JAKMIP3: variants seen among roughly 807,000 people sequenced by gnomAD.
JAKMIP3 encodes janus kinase and microtubule-interacting protein 3.
JAKMIP3 carries 58 observed loss-of-function variants against 118.5 expected under a neutral mutation model. That is an observed-to-expected ratio of 0.49 (90% CI 0.40 to 0.61). JAKMIP3 has a LOEUF of 0.61. JAKMIP3 is among the 20% of genes least tolerant of loss of function. JAKMIP3 has a pLI of 0.00. For missense variants in JAKMIP3, 950 were observed against 1,109.0 expected (o/e 0.86, Z 2.04); for synonymous variants, 486 against 451.2 (o/e 1.08, Z -0.98).
chr10:132,127,866 G>A lies in JAKMIP3; in HGVS notation c.634-5446G>A, dbSNP rs537035748. ...TCTATCATAAATTAGTAATTTTGCCGTATAACCAAAATACAAGTACCTTAT... is the reference window on the plus strand; with the variant it reads ...TCTATCATAAATTAGTAATTTTGCCATATAACCAAAATACAAGTACCTTAT... On this transcript the variant is annotated intron_variant, in intron 3 of 23. Coordinates refer to ENST00000684848, the MANE Select transcript of JAKMIP3 (RefSeq NM_001323087.2). 8.2e-4 allele frequency among the ~76,000 whole-genome samples: 124 copies of A among 152,060 alleles called. 1 individual carries two copies. Among genetic ancestry groups the A allele is most frequent in the Admixed American group, 2.7e-3 (42 of 15,274 alleles).
At chr10:132,050,036 T>C (rs2038053398) in intron 1 of JAKMIP3, among the ~76,000 whole-genome samples, 1 of 152,246 alleles carries the variant, frequency 6.6e-6, no homozygotes, top group Non-Finnish European at 1.5e-5. Flanking sequence ...TCTCAGGACC[T>C]TATCTCTTTC....
intron 12 of JAKMIP3, 31 bp downstream of exon 12, chr10:132,145,221 G>T: frequency 1.3e-6 from 2 of 1,530,482 alleles, no homozygotes; most frequent in East Asian, 2.3e-5. Context: ...ACGGGCGTGG[G>T]GGCACACGTG....
In JAKMIP3 at chr10:132,112,328, C is replaced by T. The variant is rs967338786; in HGVS notation, c.136-4749C>T. On this transcript the variant is annotated intron_variant, in intron 2 of 23. Transcript: ENST00000684848. This position sits in a 1 kb window ranked among gnomAD's most constrained non-coding sequence, Gnocchi z 4.3. Reference sequence around the variant, plus strand: ...GGGAGATGCTGCCCAGAGAACAGTGCGAGGGGAGACGGGGCTGGGACCTGC... The same window carrying T: ...GGGAGATGCTGCCCAGAGAACAGTGTGAGGGGAGACGGGGCTGGGACCTGC... Among the ~76,000 whole-genome samples the T allele has an allele frequency of 2.6e-5, 4 of 151,954 alleles. No homozygotes were observed. Among genetic ancestry groups the T allele is most frequent in the South Asian group, 2.1e-4 (1 of 4,802 alleles).
At chr10:132,064,512 C>T (rs565859635), upstream of JAKMIP3, among the ~76,000 whole-genome samples, 33 of 152,270 alleles carry the variant, frequency 2.2e-4, no homozygotes, top group Middle Eastern at 6.8e-3. This position sits in a 1 kb window ranked among gnomAD's most constrained non-coding sequence, Gnocchi z 4.4. Flanking sequence ...CCCACCGTTC[C>T]GGGTCTGAAT....
At chr10:132,069,174 G>A (rs1163096355) in intron 1 of JAKMIP3, among the ~76,000 whole-genome samples, 1 of 152,066 alleles carries the variant, frequency 6.6e-6, no homozygotes, top group Non-Finnish European at 1.5e-5. Flanking sequence ...CTGCCTGGTG[G>A]GTGGTTGACC....
intron 19 of JAKMIP3, among the ~76,000 whole-genome samples, chr10:132,154,348 A>G (rs2056731616): frequency 6.6e-6 from 1 of 152,130 alleles, no homozygotes; most frequent in Non-Finnish European, 1.5e-5. Flanking sequence ...TCCCCTGAGG[A>G]ACTGGAGAAA....
In JAKMIP3 at chr10:132,097,946, TCCCATCCCCTTTCCCTTTCCTTC is replaced by T. The variant is rs1564892962; in HGVS notation, c.-137-6724_-137-6702del. On this transcript the variant is annotated intron_variant, in intron 1 of 23. Coordinates refer to ENST00000684848, the MANE Select transcript of JAKMIP3 (RefSeq NM_001323087.2). ...TTTCCTTCCCCTTCCCCTTTCCCTTTCCCATCCCCTTTCCCTTTCCTTCCTTTTCTCCCCTTCCCCTTCCCCTT... is the reference window on the plus strand; with the variant it reads ...TTTCCTTCCCCTTCCCCTTTCCCTTTCTTTTCTCCCCTTCCCCTTCCCCTT... Among the ~76,000 whole-genome samples, 52 of 24,026 alleles carry T rather than the reference TCCCATCCCCTTTCCCTTTCCTTC, an allele frequency of 2.2e-3. 8 individuals are homozygous for T. The highest frequency in any genetic ancestry group is 5.7e-3 in the South Asian group (2 of 352). 15.8% of individuals were successfully genotyped at this position (24,026 alleles called of 152,430 possible). A position where few individuals can be genotyped will look rare whatever the true frequency, so the allele number is the denominator to read the frequency against.
intron 1 of JAKMIP3, among the ~76,000 whole-genome samples, chr10:132,097,075 G>A (rs1468599986): frequency 2.0e-5 from 3 of 152,250 alleles, no homozygotes; most frequent in Non-Finnish European, 4.4e-5. Context: ...CATAGGGCCT[G>A]TGAGCTCACC....
In JAKMIP3 at chr10:132,180,760, CGTGTGTGTGCGTGTGT is replaced by C. The variant is rs1277230926; in HGVS notation, c.*1104-1589_*1104-1574del. On this transcript the variant is annotated intron_variant, in intron 23 of 23. Coordinates refer to ENST00000684848, the MANE Select transcript of JAKMIP3 (RefSeq NM_001323087.2). ...GTGCGTGCGTGCGCGCGCGTGTGTGCGTGTGTGTGCGTGTGTGTGTGTGCGCGTATGCATGTGCTGT... is the reference window on the plus strand; with the variant it reads ...GTGCGTGCGTGCGCGCGCGTGTGTGCGTGTGTGCGCGTATGCATGTGCTGT... Among the ~76,000 whole-genome samples the C allele has an allele frequency of 2.0e-4, 3 of 14,736 alleles. 1 individual carries two copies. Among genetic ancestry groups the C allele is most frequent in the Non-Finnish European group, 1.1e-4 (1 of 9,180 alleles). 9.7% of individuals were successfully genotyped at this position (14,736 alleles called of 152,430 possible).
chr10:132,142,827 G>T (rs1246854026), intron 11 of JAKMIP3, among the ~76,000 whole-genome samples: 1 of 152,210 alleles, frequency 6.6e-6, no homozygotes, highest in Non-Finnish European at 1.5e-5. Flanking sequence ...TGGGGTGTGG[G>T]GTTCCCGTTG....
Position 132,133,320 on chromosome 10 carries a change from G to A in JAKMIP3, c.642G>A (p.Glu214=), listed in dbSNP as rs781077276. The change falls in exon 4 of 24, where the codon GAG becomes GAA. Residue 214 remains glutamate, a synonymous_variant. Transcript: ENST00000684848. ...TTCTGTTCTCCTTGTAGATGGAGGA[G>A]ATAAAATTTAAAGACAGAGCAGTCT... ...CEREIRRLME[E]IKFKDRAVFV... is the part of the protein sequence containing the mutation. The A allele has an allele frequency of 5.0e-6, 8 of 1,585,382 alleles. No individual in the cohort carries two copies. The Admixed American group carries it at 9.0e-5, about 18-fold the overall frequency.
chr10:132,063,668 C>T (rs565790706), upstream of JAKMIP3, among the ~76,000 whole-genome samples: 24 of 152,308 alleles, frequency 1.6e-4, no homozygotes, highest in African/African-American at 4.6e-4. Context: ...GAGAACGGAC[C>T]GTCTGCAAGG....
At chr10:132,154,912 G>A (rs1055985544) in intron 19 of JAKMIP3, among the ~76,000 whole-genome samples, 5 of 146,904 alleles carry the variant, frequency 3.4e-5, no homozygotes, top group Non-Finnish European at 6.0e-5. Flanking sequence ...TCATGATGAC[G>A]GTGGTGGTAG....
intron 1 of JAKMIP3, among the ~76,000 whole-genome samples, chr10:132,094,797 A>G (rs61865735): frequency 0.14 from 21,807 of 151,948 alleles, 1,677 homozygotes; most frequent in Middle Eastern, 0.23. Flanking sequence ...TGGAACTCCT[A>G]AGAGTATATG....
chr10:132,117,665 G>A lies in JAKMIP3; in HGVS notation c.633+91G>A, dbSNP rs893209334. Reference sequence around the variant, plus strand: ...GGCGGGCGTGGGCGAGGGTGCAGGCGTGGGCTCGGGGAGCACGCGGGCAGC... The same window carrying A: ...GGCGGGCGTGGGCGAGGGTGCAGGCATGGGCTCGGGGAGCACGCGGGCAGC... On this transcript the variant is annotated intron_variant, in intron 3 of 23. Coordinates refer to ENST00000684848, the MANE Select transcript of JAKMIP3 (RefSeq NM_001323087.2). This position sits in a 1 kb window ranked among gnomAD's most constrained non-coding sequence, Gnocchi z 8.6. 5.3e-4 allele frequency: 669 copies of A among 1,259,286 alleles called. 6 individuals are homozygous for A. Among genetic ancestry groups the A allele is most frequent in the South Asian group, 7.0e-4 (26 of 37,084 alleles). 78.0% of individuals were successfully genotyped at this position (1,259,286 alleles called of 1,614,324 possible).
At chr10:132,180,658 C>CGT (rs1197794956) in intron 23 of JAKMIP3, among the ~76,000 whole-genome samples, 2,322 of 8,350 alleles carry the variant, frequency 0.28, 520 homozygotes, top group Non-Finnish European at 0.32. Context: ...TGTGCGTGTG[C>CGT]GTGTGTGCGT....
At chr10:132,176,619 A>G (rs1396628060) in intron 23 of JAKMIP3, among the ~76,000 whole-genome samples, 1 of 152,162 alleles carries the variant, frequency 6.6e-6, no homozygotes, top group Non-Finnish European at 1.5e-5. Context: ...TCACGGCAGC[A>G]GACACATTTC....
At position 132,125,414 on chromosome 10, in the gene JAKMIP3, G is replaced by A. The variant is rs182675178; in HGVS notation, c.633+7840G>A. ...CGGGTCTCTTTCCAGGCCCCGTTAC[G>A]TTCTGCTGGTCTGGTGCTCCGCCTT... On this transcript the variant is annotated intron_variant, in intron 3 of 23. Transcript: ENST00000684848. Among the ~76,000 whole-genome samples the A allele has an allele frequency of 3.9e-5, 6 of 152,378 alleles. No homozygotes were observed. In the East Asian group the frequency reaches 7.7e-4, roughly 20 times the overall value.
chr10:132,041,874 T>G (rs112838356), intron 1 of JAKMIP3, among the ~76,000 whole-genome samples: 1 of 152,116 alleles, frequency 6.6e-6, no homozygotes, highest in Non-Finnish European at 1.5e-5. Context: ...CTTTTCTTTT[T>G]TTTTTCTTTG....
Sources: gnomAD v4.1 joint callset for allele counts (sites outside exome capture counted in the v4.1 genomes callset) on GRCh38, gnomAD v4.1.1 for gene constraint, Gnocchi (gnomAD v3.1) non-coding constraint, MANE v1.5 for transcripts, NCBI Gene and HGNC (gene_info 2026-07-23, HGNC 2026-07-21) for gene names.